Variants in EEIG2 observed in about 807,000 individuals in gnomAD.
EEIG2 encodes the protein family with sequence similarity 102 member B.
the EEIG2 span, among the ~76,000 whole-genome samples, chr1:108,584,535 C>T: frequency 2.0e-5 from 3 of 152,252 alleles, no homozygotes; most frequent in East Asian, 5.8e-4. Context: ...TGAGTCATCG[C>T]TAGCATAGCA....
At chr1:108,617,203 A>G in the EEIG2 span, among the ~76,000 whole-genome samples, 1 of 152,200 alleles carries the variant, frequency 6.6e-6, no homozygotes, top group African/African-American at 2.4e-5. Context: ...TGGCCATTAT[A>G]AAAAGGACTG....
At chr1:108,585,394 ACCCTGC>A in the EEIG2 span, among the ~76,000 whole-genome samples, 1 of 152,126 alleles carries the variant, frequency 6.6e-6, no homozygotes, top group Non-Finnish European at 1.5e-5. Context: ...TCTCTAACCT[ACCCTGC>A]TCCCTCTGGG....
At chr1:108,600,395 G>A in the EEIG2 span, among the ~76,000 whole-genome samples, 5 of 152,144 alleles carry the variant, frequency 3.3e-5, no homozygotes, top group African/African-American at 7.2e-5. Flanking sequence ...ACCTTCCAAA[G>A]ATTTTCAGAT....
the EEIG2 span, chr1:108,560,335 C>G: frequency 9.8e-7 from 1 of 1,018,038 alleles, no homozygotes; most frequent in Non-Finnish European, 1.2e-6. Context: ...CAGCTCGCGG[C>G]CCCGGCCATG....
chr1:108,616,719 T>C, the EEIG2 span, among the ~76,000 whole-genome samples: 2 of 152,186 alleles, frequency 1.3e-5, no homozygotes, highest in Non-Finnish European at 2.9e-5. Context: ...TATTCATTTC[T>C]TCAATAAACA....
the EEIG2 span, among the ~76,000 whole-genome samples, chr1:108,571,059 G>A: frequency 6.6e-6 from 1 of 152,268 alleles, no homozygotes; most frequent in East Asian, 1.9e-4. Context: ...AGTCTAGGGC[G>A]TGTTGTTTGC....
At chr1:108,629,370 A>T in the EEIG2 span, among the ~76,000 whole-genome samples, 1 of 152,230 alleles carries the variant, frequency 6.6e-6, no homozygotes, top group South Asian at 2.1e-4. Flanking sequence ...TATCTCCATT[A>T]CTCAGTTAAA....
At chr1:108,580,711 C>T in the EEIG2 span, among the ~76,000 whole-genome samples, 1 of 152,138 alleles carries the variant, frequency 6.6e-6, no homozygotes, top group Non-Finnish European at 1.5e-5. Flanking sequence ...CCTAACTCTC[C>T]TCAAGTCTAT....
the EEIG2 span, among the ~76,000 whole-genome samples, chr1:108,571,719 T>G: frequency 6.6e-6 from 1 of 152,286 alleles, no homozygotes; most frequent in East Asian, 1.9e-4. Context: ...GAGGTTGCGT[T>G]AGGTCCTGCC....
chr1:108,592,963 G>A, the EEIG2 span, among the ~76,000 whole-genome samples: 1 of 152,028 alleles, frequency 6.6e-6, no homozygotes, highest in South Asian at 2.1e-4. Flanking sequence ...TTTGAGATGA[G>A]CCTGGCCAAC....
At chr1:108,600,901 T>C in the EEIG2 span, among the ~76,000 whole-genome samples, 1 of 152,170 alleles carries the variant, frequency 6.6e-6, no homozygotes, top group South Asian at 2.1e-4. Context: ...TTCATCTCAC[T>C]GTCACTATAC....
At chr1:108,632,482 G>A in the EEIG2 span, among the ~76,000 whole-genome samples, 1 of 152,150 alleles carries the variant, frequency 6.6e-6, no homozygotes, top group Non-Finnish European at 1.5e-5. Context: ...GCCATAATTT[G>A]AAGGGTAGAT....
chr1:108,602,543 A>G, the EEIG2 span, among the ~76,000 whole-genome samples: 1 of 152,168 alleles, frequency 6.6e-6, no homozygotes, highest in Non-Finnish European at 1.5e-5. Context: ...AATACCAGTC[A>G]TATCAGATTA....
At chr1:108,606,581 C>T in the EEIG2 span, among the ~76,000 whole-genome samples, 1 of 152,310 alleles carries the variant, frequency 6.6e-6, no homozygotes, top group East Asian at 1.9e-4. Flanking sequence ...AGGACCTGTC[C>T]TTTATGCTGT....
At chr1:108,625,803 TG>T in the EEIG2 span, 6,168 of 151,658 alleles carry the variant, frequency 0.041, 188 homozygotes, top group Non-Finnish European at 0.063. Flanking sequence ...TGTGTGTGTG[TG>T]TGTGTGTGTG....
the EEIG2 span, among the ~76,000 whole-genome samples, chr1:108,618,919 A>G: frequency 5.5e-4 from 84 of 151,942 alleles, no homozygotes; most frequent in African/African-American, 2.0e-3. Flanking sequence ...CTGATAAACC[A>G]TGGTTTCCTG....
the EEIG2 span, chr1:108,628,763 T>C: frequency 6.2e-7 from 1 of 1,613,102 alleles, no homozygotes; most frequent in African/African-American, 1.3e-5. Flanking sequence ...GTAGAGAAAA[T>C]ATTACAAAGT....
the EEIG2 span, among the ~76,000 whole-genome samples, chr1:108,578,432 G>T: frequency 9.2e-6 from 1 of 108,640 alleles, no homozygotes; most frequent in African/African-American, 3.7e-5. Context: ...TATTGGCTGT[G>T]GGTTTGTCAT....
At chr1:108,634,196 C>G in the EEIG2 span, among the ~76,000 whole-genome samples, 3 of 152,152 alleles carry the variant, frequency 2.0e-5, no homozygotes, top group Admixed American at 1.3e-4. Context: ...GCCATGCTGC[C>G]CACCATGGTT....
Sources: gnomAD v4.1 joint callset for allele counts (sites outside exome capture counted in the v4.1 genomes callset) on GRCh38, gnomAD v4.1.1 for gene constraint, MANE v1.5 for transcripts, NCBI Gene and HGNC (gene_info 2026-07-23, HGNC 2026-07-21) for gene names.